Variants in NDE1 observed in about 807,000 individuals in gnomAD.
The protein encoded by NDE1 is nuclear distribution protein nudE homolog 1.
NDE1 carries 28 observed loss-of-function variants against 43.4 expected under a neutral mutation model. The ratio of observed to expected loss-of-function variants is 0.65; its 90% CI spans 0.48 to 0.89. The LOEUF (loss-of-function observed/expected upper bound fraction) is 0.89, where lower values mean the gene tolerates loss of function less well. Among genes scored for constraint, NDE1 ranks in the 40% least tolerant of loss-of-function variants. The pLI is 0.00. For synonymous variants in NDE1, 184 were observed against 172.0 expected (o/e 1.07, Z -0.55); for missense variants, 441 against 434.1 (o/e 1.02, Z -0.14).
intron 8 of NDE1, chr16:15,714,840 G>A: frequency 6.3e-7 from 1 of 1,592,558 alleles, no homozygotes. Flanking sequence ...CAGGCCGAAA[G>A]GAGCCCGAGC....
intron 1 of NDE1, among the ~76,000 whole-genome samples, chr16:15,659,597 C>T (rs1055295588): frequency 3.3e-5 from 5 of 151,226 alleles, no homozygotes; most frequent in African/African-American, 4.9e-5. Flanking sequence ...CCACCATGCC[C>T]GGCTAATTTT....
intron 1 of NDE1, among the ~76,000 whole-genome samples, chr16:15,657,018 AC>A (rs985850074): frequency 2.0e-5 from 3 of 151,724 alleles, no homozygotes; most frequent in African/African-American, 7.3e-5. Context: ...CTGGTTCCTC[AC>A]TTCCGCACTT....
In NDE1 at chr16:15,716,352, G is replaced by A. The variant is rs1364149805; in HGVS notation, c.948-7839G>A. Among the ~76,000 whole-genome samples the A allele has an allele frequency of 2.6e-5, 4 of 152,134 alleles. No homozygotes were observed. The East Asian group carries it at 7.7e-4, about 29-fold the overall frequency. Reference sequence around the variant, plus strand: ...ACACTTTAAATGGGTGCATTGCAGGGCGTGCGAATTACTGAAAAAGCTACT... The same window carrying A: ...ACACTTTAAATGGGTGCATTGCAGGACGTGCGAATTACTGAAAAAGCTACT... On this transcript the variant is annotated intron_variant, in intron 8 of 8. Coordinates refer to ENST00000396354, the MANE Select transcript of NDE1 (RefSeq NM_017668.3).
upstream of NDE1, among the ~76,000 whole-genome samples, chr16:15,648,505 T>C (rs1195963708): frequency 6.6e-6 from 1 of 152,184 alleles, no homozygotes; most frequent in East Asian, 1.9e-4. Context: ...AGTGGCGTGA[T>C]CTCCACTCAC....
chr16:15,660,881 C>T (rs372847708), intron 1 of NDE1, among the ~76,000 whole-genome samples: 38 of 152,128 alleles, frequency 2.5e-4, no homozygotes, highest in Non-Finnish European at 4.4e-4. Context: ...CTGCCTCCTT[C>T]GGTTACCATT....
intron 8 of NDE1, among the ~76,000 whole-genome samples, chr16:15,710,761 C>T (rs2039740662): frequency 6.6e-6 from 1 of 151,852 alleles, no homozygotes; most frequent in Admixed American, 6.6e-5. Context: ...ACTGCAGGCT[C>T]CTCCTCCTGG....
intron 8 of NDE1, chr16:15,717,394 A>G: frequency 6.3e-7 from 1 of 1,593,666 alleles, no homozygotes; most frequent in African/African-American, 1.3e-5. Context: ...GGGAAGCCCA[A>G]GAGAGCGCAC....
intron 8 of NDE1, among the ~76,000 whole-genome samples, chr16:15,708,505 C>T (rs1432009351): frequency 6.6e-6 from 1 of 152,232 alleles, no homozygotes; most frequent in Non-Finnish European, 1.5e-5. Context: ...CCAAGCTACA[C>T]ACACAGCCTC....
intron 4 of NDE1, chr16:15,686,506 C>T (rs1375716716): frequency 1.0e-6 from 1 of 985,202 alleles, no homozygotes; most frequent in African/African-American, 1.7e-5. Flanking sequence ...AATATGATCT[C>T]TTCCACCTGC....
intron 4 of NDE1, among the ~76,000 whole-genome samples, chr16:15,682,093 C>T (rs776370635): frequency 2.0e-5 from 3 of 152,110 alleles, no homozygotes; most frequent in African/African-American, 4.8e-5. Flanking sequence ...TTTGTTAATA[C>T]AATTTGGCCA....
At chr16:15,652,109 A>G (rs1025975306) in intron 1 of NDE1, 1 of 152,018 alleles carries the variant, frequency 6.6e-6, no homozygotes, top group Non-Finnish European at 1.5e-5. Context: ...CATATTGGCC[A>G]GGCTGGTCTC....
rs144060849 is a variant in NDE1 at position 15,694,227 on chromosome 16, A to C, written c.766A>C (p.Ile256Leu). 3 of 1,613,678 alleles carry C rather than the reference A, an allele frequency of 1.9e-6. No individual in the cohort carries two copies. Among genetic ancestry groups the C allele is most frequent in the Non-Finnish European group, 2.5e-6 (3 of 1,180,010 alleles). Residue 256 changes from isoleucine to leucine, a missense_variant, in exon 7 of 9, where the codon ATT becomes CTT. Transcript: ENST00000396354. ...TPAARISALN[I>L]VGDLLRKVGA... ...TGCGGCCCGGATATCAGCCCTCAAC[A>C]TTGTGGGAGACCTACTGCGGAAAGT...
intron 8 of NDE1, chr16:15,719,314 T>C: frequency 6.2e-7 from 1 of 1,609,478 alleles, no homozygotes; most frequent in South Asian, 1.1e-5. Context: ...AGGTCCTAGG[T>C]GGGAGGGAGG....
At chr16:15,659,728 C>T (rs1028120949) in intron 1 of NDE1, among the ~76,000 whole-genome samples, 7 of 146,956 alleles carry the variant, frequency 4.8e-5, no homozygotes, top group Admixed American at 2.1e-4. Context: ...TGAGCCACTG[C>T]GCCCGGCCTT....
chr16:15,665,468 A>G (rs1352496556), intron 2 of NDE1, among the ~76,000 whole-genome samples: 1 of 150,766 alleles, frequency 6.6e-6, no homozygotes, highest in Non-Finnish European at 1.5e-5. Flanking sequence ...TTTTTGAGAC[A>G]GAGTCTCACT....
Position 15,724,674 on chromosome 16 carries a change from C to T in NDE1, c.*423C>T. Reference sequence around the variant, plus strand: ...GGATGTTGAGAGTGGAGATGTGGCGCTCCAGGTTCTGCTTGGCCTCCATCT... The same window carrying T: ...GGATGTTGAGAGTGGAGATGTGGCGTTCCAGGTTCTGCTTGGCCTCCATCT... On this transcript the variant is annotated 3_prime_UTR_variant, in exon 9 of 9. Coordinates refer to ENST00000396354, the MANE Select transcript of NDE1 (RefSeq NM_017668.3). The T allele has an allele frequency of 6.2e-7, 1 of 1,614,220 alleles. No individual in the cohort carries two copies. The highest frequency in any genetic ancestry group is 8.5e-7 in the Non-Finnish European group (1 of 1,180,038).
intron 1 of NDE1, among the ~76,000 whole-genome samples, chr16:15,659,719 G>A (rs1429172176): frequency 6.7e-6 from 1 of 148,570 alleles, no homozygotes; most frequent in African/African-American, 2.5e-5. Flanking sequence ...TTACAGGTGT[G>A]AGCCACTGCG....
chr16:15,719,828 G>A lies in NDE1; in HGVS notation c.948-4363G>A, dbSNP rs1021105786. 3.5e-6 allele frequency: 5 copies of A among 1,442,358 alleles called. No homozygotes were observed. The African/African-American group carries it at 5.6e-5, about 16-fold the overall frequency. The allele number at this position is 1,442,358 out of a possible 1,614,324, so 89.3% of individuals were successfully genotyped here. ...ATTTTCTGCAGTTGACCACAAAGAA[G>A]TTCCCATTGCACGAGCATGGCTCTC... On this transcript the variant is annotated intron_variant, in intron 8 of 8. Transcript: ENST00000396354.
chr16:15,691,647 G>T (rs1363869963), intron 6 of NDE1, among the ~76,000 whole-genome samples: 11 of 146,492 alleles, frequency 7.5e-5, no homozygotes, highest in African/African-American at 1.0e-4. Context: ...TTTTTGTTGG[G>T]TTTTTTTTTT....
Sources: allele counts gnomAD v4.1 joint callset (sites outside exome capture counted in the v4.1 genomes callset), GRCh38; gene constraint gnomAD v4.1.1; transcripts MANE v1.5; gene names NCBI Gene and HGNC (gene_info 2026-07-23, HGNC 2026-07-21).